The following VRK2 variants were observed in gnomAD, a reference collection of about 807,000 sequenced individuals.
VRK2 encodes VRK serine/threonine kinase 2.
Under a neutral mutation model 57.6 loss-of-function variants are expected in VRK2, and 60 were observed. That is an observed-to-expected ratio of 1.04 (90% CI 0.85 to 1.29). The LOEUF (loss-of-function observed/expected upper bound fraction) is 1.29, where lower values mean the gene tolerates loss of function less well. VRK2 is among the 50% of genes most tolerant of loss of function. VRK2 has a pLI of 0.00. For missense variants in VRK2, 705 were observed against 588.1 expected, an observed-to-expected ratio of 1.20 and a Z score of -2.06; for synonymous variants, 231 against 199.2, an observed-to-expected ratio of 1.16 and a Z score of -1.35.
At chr2:58,111,392 C>T (rs535154570) in intron 7 of VRK2, among the ~76,000 whole-genome samples, 20 of 152,222 alleles carry the variant, frequency 1.3e-4, no homozygotes, top group South Asian at 6.2e-4. Flanking sequence ...GGCTGTCCCT[C>T]GTACTCATGG....
chr2:57,915,445 G>C (rs1355141941), intron 1 of VRK2, among the ~76,000 whole-genome samples: 2 of 152,008 alleles, frequency 1.3e-5, no homozygotes, highest in Non-Finnish European at 2.9e-5. Flanking sequence ...CATATTTAAA[G>C]AAATCAGGTG....
rs868162532 is a variant in VRK2 at position 58,139,615 on chromosome 2, G to A, written c.857-51G>A. ...AAGATTTTGAGATTACTGGAGTCTT[G>A]ACAATTCTTGCCAATTGTGAATGAC... On this transcript the variant is annotated intron_variant, in intron 10 of 12. Transcript: ENST00000340157. 2.0e-6 allele frequency: 3 copies of A among 1,530,510 alleles called. No homozygotes were observed. The South Asian group carries it at 3.6e-5, about 18-fold the overall frequency. 94.8% of individuals were successfully genotyped at this position (1,530,510 alleles called of 1,614,324 possible). A position where few individuals can be genotyped will look rare whatever the true frequency, so the allele number is the denominator to read the frequency against.
At chr2:57,915,372 C>T (rs1042147297) in intron 1 of VRK2, among the ~76,000 whole-genome samples, 2 of 151,550 alleles carry the variant, frequency 1.3e-5, no homozygotes, top group Non-Finnish European at 2.9e-5. Context: ...AAGATCAGGC[C>T]CAGAATTATA....
In VRK2 at chr2:58,129,724, C is replaced by CA. The variant is rs201343510; in HGVS notation, c.677-2083dup. ...AGTCTAAGATTTTAACTTCACTAAA[C>CA]ATTCAAACTTTTCAATTTGCTTTTC... On this transcript the variant is annotated intron_variant, in intron 8 of 12. Transcript: ENST00000340157. Among the ~76,000 whole-genome samples the CA allele has an allele frequency of 5.3e-3, 814 of 152,230 alleles. 11 individuals are homozygous for CA. The highest frequency in any genetic ancestry group is 0.019 in the African/African-American group (769 of 41,542).
intron 1 of VRK2, among the ~76,000 whole-genome samples, chr2:57,935,103 T>C (rs371997891): frequency 1.7e-4 from 26 of 152,290 alleles, no homozygotes; most frequent in Middle Eastern, 3.4e-3. Context: ...GTGAGAATAA[T>C]TGGGGATTTC....
chr2:57,962,649 A>G (rs564893704), intron 1 of VRK2, among the ~76,000 whole-genome samples: 1 of 152,202 alleles, frequency 6.6e-6, no homozygotes, highest in East Asian at 1.9e-4. Context: ...TTTAGCTCCA[A>G]TCTATAAATG....
intron 1 of VRK2, among the ~76,000 whole-genome samples, chr2:57,986,912 GACAATTGATTTTGACAAAAATGCAAA>G (rs1454154218): frequency 6.6e-6 from 1 of 152,022 alleles, no homozygotes; most frequent in Non-Finnish European, 1.5e-5. Context: ...ATTGATTTTT[GACAATTGATTTTGACAAAAATGCAAA>G]ACTAATTGTT....
chr2:58,029,790 T>G (rs946711342), intron 2 of VRK2, among the ~76,000 whole-genome samples: 1 of 152,120 alleles, frequency 6.6e-6, no homozygotes, highest in Non-Finnish European at 1.5e-5. Context: ...CTACATTACC[T>G]TGAGTATCTA....
At chr2:58,046,131 C>T (rs1674727325), upstream of VRK2, among the ~76,000 whole-genome samples, 1 of 152,196 alleles carries the variant, frequency 6.6e-6, no homozygotes, top group African/African-American at 2.4e-5. Context: ...AGGCGTGAGC[C>T]ACCGCACCTG....
At chr2:58,140,406 T>G (rs1432969282) in intron 11 of VRK2, among the ~76,000 whole-genome samples, 1 of 151,974 alleles carries the variant, frequency 6.6e-6, no homozygotes, top group African/African-American at 2.4e-5. Context: ...TTCGAGCATT[T>G]TTAAGCGGGT....
intron 6 of VRK2, among the ~76,000 whole-genome samples, chr2:58,088,912 A>G (rs752214961): frequency 6.6e-6 from 1 of 151,660 alleles, no homozygotes; most frequent in Non-Finnish European, 1.5e-5. Context: ...GAAGCAACGA[A>G]CTCTTAATAG....
intron 1 of VRK2, among the ~76,000 whole-genome samples, chr2:57,933,807 C>T (rs1261837395): frequency 6.6e-6 from 1 of 152,010 alleles, no homozygotes; most frequent in Non-Finnish European, 1.5e-5. Context: ...TTCTTTGTTT[C>T]TTTCTTTTCC....
At chr2:57,928,867 C>T (rs1438504691) in intron 1 of VRK2, among the ~76,000 whole-genome samples, 1 of 152,206 alleles carries the variant, frequency 6.6e-6, no homozygotes, top group Non-Finnish European at 1.5e-5. Context: ...GATTACCAGA[C>T]AGAGATTTTT....
chr2:58,092,487 A>G (rs1672516515), intron 7 of VRK2, among the ~76,000 whole-genome samples: 1 of 152,202 alleles, frequency 6.6e-6, no homozygotes, highest in Non-Finnish European at 1.5e-5. Context: ...GCATTCACAT[A>G]CAGCCTTTTG....
intron 1 of VRK2, among the ~76,000 whole-genome samples, chr2:57,922,547 T>C (rs1279943149): frequency 6.6e-6 from 1 of 151,660 alleles, no homozygotes; most frequent in Non-Finnish European, 1.5e-5. Context: ...ATCCTCATCA[T>C]GCTAAGAGAG....
chr2:58,122,105 G>C (rs1426216001), intron 7 of VRK2, among the ~76,000 whole-genome samples: 3 of 152,238 alleles, frequency 2.0e-5, no homozygotes, highest in African/African-American at 7.2e-5. Flanking sequence ...TCATATGAAA[G>C]GTCAAAAGTT....
upstream of VRK2, among the ~76,000 whole-genome samples, chr2:58,045,386 T>C (rs182052301): frequency 9.9e-5 from 15 of 152,256 alleles, no homozygotes; most frequent in East Asian, 2.9e-3. Context: ...GAGTTGTTTC[T>C]TCTCAAAAGG....
At chr2:58,113,674 G>A (rs1379392602) in intron 7 of VRK2, among the ~76,000 whole-genome samples, 1 of 152,106 alleles carries the variant, frequency 6.6e-6, no homozygotes, top group Non-Finnish European at 1.5e-5. Context: ...GCCAGGAGAA[G>A]GAAATTCACA....
intron 7 of VRK2, among the ~76,000 whole-genome samples, chr2:58,093,627 T>G (rs1380230766): frequency 6.6e-6 from 1 of 152,218 alleles, no homozygotes; most frequent in East Asian, 1.9e-4. Context: ...CTGTTCACTC[T>G]GATGGTAGTT....
Sources: gnomAD v4.1 joint callset for allele counts (sites outside exome capture counted in the v4.1 genomes callset) on GRCh38, gnomAD v4.1.1 for gene constraint, MANE v1.5 for transcripts, NCBI Gene and HGNC (gene_info 2026-07-23, HGNC 2026-07-21) for gene names.